The following SLC24A2 variants were observed in gnomAD, a reference collection of about 807,000 sequenced individuals.
SLC24A2 encodes the protein solute carrier family 24 member 2.
A neutral mutation model predicts 62.0 loss-of-function variants in SLC24A2; 36 were observed. The observed-to-expected ratio is 0.58, with a 90% confidence interval of 0.44 to 0.77. SLC24A2 has a LOEUF of 0.77. SLC24A2 is among the 30% of genes least tolerant of loss of function. SLC24A2 has a pLI of 0.00. For missense variants in SLC24A2, 846 were observed against 817.9 expected (o/e 1.03, Z -0.42); for synonymous variants, 358 against 294.0 (o/e 1.22, Z -2.23).
At chr9:20,043,239 G>A in the SLC24A2 span, among the ~76,000 whole-genome samples, 1 of 152,294 alleles carries the variant, frequency 6.6e-6, no homozygotes, top group East Asian at 1.9e-4. Context: ...TGCTACTCCA[G>A]TGAGCAAAAG....
At chr9:19,813,830 T>A in the SLC24A2 span, among the ~76,000 whole-genome samples, 1 of 152,238 alleles carries the variant, frequency 6.6e-6, no homozygotes, top group Admixed American at 6.5e-5. Context: ...TTCCACCATG[T>A]GAGGACATAG....
chr9:19,787,721 C>A (rs1169604541), intron 1 of SLC24A2, among the ~76,000 whole-genome samples: 1 of 151,624 alleles, frequency 6.6e-6, no homozygotes, highest in Non-Finnish European at 1.5e-5. Context: ...TTGTTTTCAG[C>A]TAAATATTTT....
chr9:19,642,155 GA>G (rs913046206), intron 2 of SLC24A2, among the ~76,000 whole-genome samples: 1 of 152,058 alleles, frequency 6.6e-6, no homozygotes, highest in African/African-American at 2.4e-5. Flanking sequence ...GAGAGAGCTG[GA>G]ATATGCCTGG....
At chr9:19,958,978 G>A in the SLC24A2 span, among the ~76,000 whole-genome samples, 1 of 152,142 alleles carries the variant, frequency 6.6e-6, no homozygotes, top group Non-Finnish European at 1.5e-5. Context: ...CAATTTTTGT[G>A]TAGCAAGTCC....
the SLC24A2 span, among the ~76,000 whole-genome samples, chr9:20,085,146 C>T: frequency 6.6e-6 from 1 of 152,128 alleles, no homozygotes; most frequent in Non-Finnish European, 1.5e-5. Context: ...CAGGAGAGCA[C>T]CACTATGCCC....
At chr9:20,286,608 G>T in the SLC24A2 span, among the ~76,000 whole-genome samples, 1 of 152,210 alleles carries the variant, frequency 6.6e-6, no homozygotes, top group Non-Finnish European at 1.5e-5. Flanking sequence ...CATTTTAGCA[G>T]AATAGAACTG....
At chr9:20,058,743 G>A in the SLC24A2 span, among the ~76,000 whole-genome samples, 2 of 152,154 alleles carry the variant, frequency 1.3e-5, no homozygotes, top group Non-Finnish European at 2.9e-5. Context: ...TCTCTTCTGG[G>A]CAACAGGGTG....
chr9:19,947,648 G>T, the SLC24A2 span, among the ~76,000 whole-genome samples: 1 of 151,548 alleles, frequency 6.6e-6, no homozygotes, highest in African/African-American at 2.4e-5. Context: ...AGAATTAGCC[G>T]GGCATGGTGG....
intron 2 of SLC24A2, among the ~76,000 whole-genome samples, chr9:19,638,648 G>A (rs549677268): frequency 1.2e-4 from 18 of 152,266 alleles, no homozygotes; most frequent in Middle Eastern, 3.4e-3. Context: ...ATATTTTAAA[G>A]AGTCCTGACT....
chr9:19,577,120 T>G, intron 5 of SLC24A2, 98 bp from the exon 6 acceptor site: 1 of 889,540 alleles, frequency 1.1e-6, no homozygotes, highest in Non-Finnish European at 1.9e-6. Context: ...GCTGCACTAA[T>G]AGCGTGACCA....
the SLC24A2 span, among the ~76,000 whole-genome samples, chr9:20,183,503 C>T: frequency 1.3e-5 from 2 of 152,210 alleles, no homozygotes; most frequent in Admixed American, 6.5e-5. Context: ...ACCTGCTTAA[C>T]TTTGAATAAC....
chr9:19,984,360 G>A, the SLC24A2 span, among the ~76,000 whole-genome samples: 5 of 152,080 alleles, frequency 3.3e-5, no homozygotes, highest in Non-Finnish European at 7.4e-5. Flanking sequence ...AAACAGCACG[G>A]TACTGGCATA....
the SLC24A2 span, among the ~76,000 whole-genome samples, chr9:19,879,386 A>C: frequency 6.6e-6 from 1 of 152,330 alleles, no homozygotes; most frequent in East Asian, 1.9e-4. Flanking sequence ...TGCTGTGGCC[A>C]GTCAAATTGC....
rs551937214 is a variant in SLC24A2, at chr9:19,786,842, T to C, written c.25A>G (p.Ile9Val). 2 of 1,611,858 alleles carry C rather than the reference T, an allele frequency of 1.2e-6. No homozygotes were observed. Among genetic ancestry groups the C allele is most frequent in the African/African-American group, 1.3e-5 (1 of 75,028 alleles). The part of the protein sequence containing the change: MDLQQSTT[I>V]TSLEKWCLDE... ...AAACACCATTTCTCTAGGGAAGTGA[T>C]GGTGGTGCTTTGTTGCAGATCCATC... The change falls in exon 2 of 11, where the codon ATC (isoleucine) becomes GTC (valine). Residue 9 changes from isoleucine (I) to valine (V), a missense_variant. Coordinates refer to ENST00000341998, the MANE Select transcript of SLC24A2 (RefSeq NM_020344.4). This position sits in a 1 kb window ranked among gnomAD's most constrained non-coding sequence, Gnocchi z 5.0.
intron 2 of SLC24A2, among the ~76,000 whole-genome samples, chr9:19,688,517 TAA>T (rs1819950935): frequency 6.6e-6 from 1 of 152,038 alleles, no homozygotes; most frequent in Admixed American, 6.6e-5. Flanking sequence ...TTTACTTTTT[TAA>T]AAGAGTTGCA....
intron 2 of SLC24A2, among the ~76,000 whole-genome samples, chr9:19,761,143 A>G (rs560263077): frequency 6.6e-6 from 1 of 152,316 alleles, no homozygotes. Flanking sequence ...TCTTTATAGT[A>G]GAATGATTTA....
At chr9:20,304,724 T>A in the SLC24A2 span, among the ~76,000 whole-genome samples, 3 of 152,198 alleles carry the variant, frequency 2.0e-5, no homozygotes, top group Admixed American at 6.5e-5. Flanking sequence ...TTATATAAAA[T>A]GAGATAGCCC....
the SLC24A2 span, among the ~76,000 whole-genome samples, chr9:20,251,625 C>T: frequency 6.6e-6 from 1 of 152,144 alleles, no homozygotes; most frequent in African/African-American, 2.4e-5. Context: ...ATAAACTGGT[C>T]AAGTTACATG....
the SLC24A2 span, among the ~76,000 whole-genome samples, chr9:19,835,884 C>T: frequency 6.6e-6 from 1 of 152,218 alleles, no homozygotes; most frequent in African/African-American, 2.4e-5. Flanking sequence ...GTCTCTTAGA[C>T]AACAGTGCAA....
Sources: gnomAD v4.1 joint callset for allele counts (sites outside exome capture counted in the v4.1 genomes callset) on GRCh38, gnomAD v4.1.1 for gene constraint, Gnocchi (gnomAD v3.1) non-coding constraint, MANE v1.5 for transcripts, NCBI Gene and HGNC (gene_info 2026-07-23, HGNC 2026-07-21) for gene names.